The following STAU1 variants were observed in gnomAD, a reference collection of about 807,000 sequenced individuals.
The protein encoded by STAU1 is double-stranded RNA-binding protein Staufen homolog 1.
In STAU1, 13 loss-of-function variants were observed where a neutral mutation model predicts 62.9. The observed-to-expected ratio is 0.21, with a 90% CI of 0.13 to 0.33. The LOEUF (loss-of-function observed/expected upper bound fraction) is 0.33, where lower values mean the gene tolerates loss of function less well. STAU1 is among the 10% of genes least tolerant of loss of function. The pLI, the probability that STAU1 is intolerant of heterozygous loss-of-function variation, is 1.00. For synonymous variants in STAU1, 269 were observed against 265.1 expected, an observed-to-expected ratio of 1.01 and a Z score of -0.14; for missense variants, 571 against 712.1, an observed-to-expected ratio of 0.80 and a Z score of 2.25.
chr20:49,130,049 A>C (rs1051795568), intron 6 of STAU1, among the ~76,000 whole-genome samples: 1 of 152,062 alleles, frequency 6.6e-6, no homozygotes, highest in Non-Finnish European at 1.5e-5. Flanking sequence ...ATTTATTAAT[A>C]ATCACCAAAA....
At position 49,143,533 on chromosome 20, in the gene STAU1, T is replaced by C. The variant is rs2093055194; in HGVS notation, c.511-7602A>G. Among the ~76,000 whole-genome samples, 3 of 152,218 alleles carry C rather than the reference T, an allele frequency of 2.0e-5. No homozygotes were observed. In the South Asian group the frequency reaches 6.2e-4, roughly 32 times the overall value. The stretch of plus-strand genomic sequence containing the variant: ...ACTTGAGGCCAAGAGGTCAAGGCTG[T>C]AGTAAGCCACAATCGTGCCACTGCA... On this transcript the variant is annotated intron_variant, in intron 5 of 13. Transcript: ENST00000371856.
the STAU1 span, among the ~76,000 whole-genome samples, chr20:49,212,671 G>A: frequency 2.2e-4 from 30 of 134,348 alleles, 1 homozygote; most frequent in South Asian, 6.5e-3. Flanking sequence ...GTGCAATGGC[G>A]TCATCTCAGC....
At chr20:49,181,766 C>CAAAAAAAAAAAAAAAAAAAA (rs758956478) in intron 1 of STAU1, among the ~76,000 whole-genome samples, 1 of 24,522 alleles carries the variant, frequency 4.1e-5, no homozygotes, top group Non-Finnish European at 7.1e-5. Flanking sequence ...ACTATCTCAA[C>CAAAAAAAAAAAAAAAAAAAA]AAAAAAAAAA....
the STAU1 span, among the ~76,000 whole-genome samples, chr20:49,206,250 T>C: frequency 6.6e-6 from 1 of 151,234 alleles, no homozygotes; most frequent in African/African-American, 2.4e-5. Context: ...CGCCTTGGCC[T>C]CCCAAAGTGC....
intron 6 of STAU1, among the ~76,000 whole-genome samples, chr20:49,127,536 T>C (rs2092656697): frequency 6.6e-6 from 1 of 151,200 alleles, no homozygotes; most frequent in South Asian, 2.1e-4. Context: ...TGAAACCCTG[T>C]CTCTACTAAA....
chr20:49,217,933 G>T, the STAU1 span, among the ~76,000 whole-genome samples: 1 of 151,636 alleles, frequency 6.6e-6, no homozygotes, highest in East Asian at 1.9e-4. Context: ...GAGTGCAATG[G>T]TGTGATCTCA....
intron 3 of STAU1, chr20:49,159,132 C>T: frequency 9.2e-7 from 1 of 1,086,058 alleles, no homozygotes; most frequent in South Asian, 2.5e-5. Context: ...TGGATAAATG[C>T]TGAAGGGGAA....
upstream of STAU1, among the ~76,000 whole-genome samples, chr20:49,189,603 G>C (rs2093826519): frequency 7.6e-6 from 1 of 130,908 alleles, no homozygotes; most frequent in African/African-American, 2.9e-5. Flanking sequence ...CTGGGCAACA[G>C]AGTGAGACTC....
chr20:49,139,736 A>G (rs2092966371), intron 5 of STAU1, among the ~76,000 whole-genome samples: 1 of 152,072 alleles, frequency 6.6e-6, no homozygotes, highest in African/African-American at 2.4e-5. Context: ...CAAAAAAAAA[A>G]AAATCCACAG....
chr20:49,215,274 G>A, the STAU1 span, among the ~76,000 whole-genome samples: 19 of 152,082 alleles, frequency 1.2e-4, no homozygotes, highest in Non-Finnish European at 7.4e-5. Flanking sequence ...CTCAGAGAGG[G>A]CTCCCCTAAC....
intron 8 of STAU1, among the ~76,000 whole-genome samples, chr20:49,121,238 C>T (rs2092458117): frequency 6.6e-6 from 1 of 152,110 alleles, no homozygotes; most frequent in African/African-American, 2.4e-5. Flanking sequence ...GAAACCCCAT[C>T]TCTACTAAAA....
rs1371532981 is a variant in STAU1, at chr20:49,135,014, C to A, written c.609+819G>T. The A allele has an allele frequency of 8.1e-6, 13 of 1,597,378 alleles. No homozygotes were observed. In the South Asian group the frequency reaches 9.9e-5, roughly 12 times the overall value. On this transcript the variant is annotated intron_variant, in intron 6 of 13. Coordinates refer to ENST00000371856, the MANE Select transcript of STAU1 (RefSeq NM_017453.4). ...CAAGAGTCTTTCAGGACCTGGACAG[C>A]GAAGGGAGCCCGGGCAGCCGCCATC...
At chr20:49,212,615 A>ATTT in the STAU1 span, among the ~76,000 whole-genome samples, 11 of 85,176 alleles carry the variant, frequency 1.3e-4, 2 homozygotes, top group Non-Finnish European at 1.5e-4. Context: ...AGCTATTGGA[A>ATTT]TTTTTTTTTT....
chr20:49,185,110 C>T (rs754766918), intron 1 of STAU1, among the ~76,000 whole-genome samples: 7 of 152,132 alleles, frequency 4.6e-5, no homozygotes, highest in African/African-American at 1.4e-4. Context: ...ATAGGGCAGA[C>T]GGGGGCACTT....
At chr20:49,165,563 T>C (rs1327405628) in intron 3 of STAU1, among the ~76,000 whole-genome samples, 1 of 150,870 alleles carries the variant, frequency 6.6e-6, no homozygotes, top group Non-Finnish European at 1.5e-5. Context: ...CTCAAACTCC[T>C]GACCTCTGCT....
the STAU1 span, among the ~76,000 whole-genome samples, chr20:49,214,930 A>G: frequency 6.6e-6 from 1 of 152,242 alleles, no homozygotes; most frequent in African/African-American, 2.4e-5. Flanking sequence ...GATTAGATTC[A>G]GTTGCATGTG....
chr20:49,218,437 G>C, the STAU1 span, among the ~76,000 whole-genome samples: 1 of 151,688 alleles, frequency 6.6e-6, no homozygotes, highest in African/African-American at 2.4e-5. Context: ...GTGTTAGCCA[G>C]GATGGTCTCG....
the STAU1 span, among the ~76,000 whole-genome samples, chr20:49,193,838 G>A: frequency 6.6e-6 from 1 of 151,986 alleles, no homozygotes; most frequent in African/African-American, 2.4e-5. Flanking sequence ...GCGTGGTGGC[G>A]GGTGGCTGTA....
intron 12 of STAU1, among the ~76,000 whole-genome samples, chr20:49,116,586 G>A (rs62210400): frequency 0.018 from 2,746 of 152,074 alleles, 42 homozygotes; most frequent in South Asian, 0.024. Flanking sequence ...TGATCCGCCT[G>A]CCTCAGCCTC....
Sources: allele counts gnomAD v4.1 joint callset (sites outside exome capture counted in the v4.1 genomes callset), GRCh38; gene constraint gnomAD v4.1.1; transcripts MANE v1.5; gene names NCBI Gene and HGNC (gene_info 2026-07-23, HGNC 2026-07-21).